Variants in ST3GAL5 observed in about 807,000 individuals in gnomAD.
The protein encoded by ST3GAL5 is ST3 beta-galactoside alpha-2,3-sialyltransferase 5.
ST3GAL5 carries 25 observed loss-of-function variants against 46.1 expected under a neutral mutation model. The ratio of observed to expected loss-of-function variants is 0.54; its 90% confidence interval spans 0.40 to 0.76. The LOEUF (loss-of-function observed/expected upper bound fraction) is 0.76. Among genes scored for constraint, ST3GAL5 ranks in the 30% least tolerant of loss-of-function variants. The probability of loss-of-function intolerance (pLI) is 0.00; values close to 1 mark genes in which losing one functional copy is unlikely to be tolerated. For missense variants in ST3GAL5, 431 were observed against 521.2 expected (o/e 0.83, Z 1.69); for synonymous variants, 182 against 192.7 (o/e 0.94, Z 0.46).
At chr2:85,864,749 A>G (rs923328046) in intron 1 of ST3GAL5, among the ~76,000 whole-genome samples, 59 of 152,326 alleles carry the variant, frequency 3.9e-4, no homozygotes, top group Non-Finnish European at 7.2e-4. Context: ...CGTCTCCCCC[A>G]TATTCGCTTT....
chr2:85,876,968 GCA>G (rs1491587948), intron 1 of ST3GAL5, among the ~76,000 whole-genome samples: 1 of 152,168 alleles, frequency 6.6e-6, no homozygotes, highest in Non-Finnish European at 1.5e-5. Flanking sequence ...ACTTAAAGTT[GCA>G]AAAACAGCAT....
At chr2:85,861,742 G>A (rs1440911564) in intron 2 of ST3GAL5, among the ~76,000 whole-genome samples, 1 of 151,366 alleles carries the variant, frequency 6.6e-6, no homozygotes, top group Non-Finnish European at 1.5e-5. Context: ...AAATGAGACA[G>A]GACCATTAGT....
intron 2 of ST3GAL5, 26 bp downstream of exon 2, chr2:85,863,336 T>A: frequency 6.2e-7 from 1 of 1,613,608 alleles, no homozygotes; most frequent in Non-Finnish European, 8.5e-7. Context: ...AGCAGGGGGA[T>A]CTACAGTCCC....
Position 85,840,115 on chromosome 2 carries a change from G to A in ST3GAL5, c.*29C>T. The A allele has an allele frequency of 6.2e-6, 10 of 1,614,194 alleles. No individual in the cohort carries two copies. The highest frequency in any genetic ancestry group is 8.5e-6 in the Non-Finnish European group (10 of 1,180,032). ...GTCAAAAACAGCTCTCAGAGTTAGA[G>A]TTGCATTTTCAACTGAGGTTTTCTG... On this transcript the variant is annotated 3_prime_UTR_variant, in exon 7 of 7. Coordinates refer to ENST00000638572, the MANE Select transcript of ST3GAL5 (RefSeq NM_003896.4).
At chr2:85,861,154 T>A in intron 3 of ST3GAL5, 27 bp downstream of exon 3, 6 of 1,433,080 alleles carry the variant, frequency 4.2e-6, no homozygotes, top group Non-Finnish European at 4.9e-6. Flanking sequence ...ATGTTTTCAT[T>A]TAAACCACAC....
intron 6 of ST3GAL5, 49 bp from the exon 7 acceptor site, chr2:85,840,441 A>C (rs774786844): frequency 6.2e-7 from 1 of 1,605,068 alleles, no homozygotes; most frequent in African/African-American, 1.3e-5. Flanking sequence ...TTTTGGCACA[A>C]GTCACCATTT....
intron 3 of ST3GAL5, chr2:85,851,669 A>G (rs1033648628): frequency 7.8e-7 from 1 of 1,289,384 alleles, no homozygotes; most frequent in Non-Finnish European, 1.0e-6. Flanking sequence ...AGCTCAGAAG[A>G]AAGTGCCTCA....
Position 85,843,763 on chromosome 2 carries a change from C to T in ST3GAL5, c.1008+633G>A, listed in dbSNP as rs113162712. On this transcript the variant is annotated intron_variant, in intron 6 of 6. Transcript: ENST00000638572. ...CCCTGGTGGCAGCACTTGCTAATTG[C>T]AGGTAAAGAATCTCTACTGCAATAA... 5.0e-3 allele frequency among the ~76,000 whole-genome samples: 767 copies of T among 152,306 alleles called. 6 individuals carry two copies. The highest frequency in any genetic ancestry group is 0.017 in the African/African-American group (704 of 41,558).
rs10693806 is a variant in ST3GAL5, at chr2:85,877,106, G to GAC, written c.82+11716_82+11717dup. 5.7e-3 allele frequency among the ~76,000 whole-genome samples: 867 copies of GAC among 152,224 alleles called. 4 individuals are homozygous for GAC. Among genetic ancestry groups the GAC allele is most frequent in the African/African-American group, 0.02 (815 of 41,522 alleles). ...ACCATTTGAAACTTGAAGACATGATGACACCTACCCCTAAATATTTTAGTA... is the reference window on the plus strand; with the variant it reads ...ACCATTTGAAACTTGAAGACATGATGACACACCTACCCCTAAATATTTTAGTA... On this transcript the variant is annotated intron_variant, in intron 1 of 6. Transcript: ENST00000638572.
intron 1 of ST3GAL5, among the ~76,000 whole-genome samples, chr2:85,877,804 T>C (rs1573708905): frequency 6.6e-6 from 1 of 152,164 alleles, no homozygotes; most frequent in East Asian, 1.9e-4. Flanking sequence ...AAACAGTAGG[T>C]GATGAACAAA....
intron 1 of ST3GAL5, among the ~76,000 whole-genome samples, chr2:85,879,613 T>C (rs771620892): frequency 2.0e-5 from 3 of 152,206 alleles, no homozygotes; most frequent in Non-Finnish European, 4.4e-5. Context: ...AGAACAACTC[T>C]GTGGCAACCC....
At chr2:85,853,078 C>T (rs1683712206) in intron 3 of ST3GAL5, 1 of 1,304,086 alleles carries the variant, frequency 7.7e-7, no homozygotes, top group Non-Finnish European at 1.0e-6. Flanking sequence ...ATGCCATCCG[C>T]AGGGAGATAA....
intron 1 of ST3GAL5, among the ~76,000 whole-genome samples, chr2:85,881,262 G>A (rs1427747008): frequency 6.6e-6 from 1 of 152,188 alleles, no homozygotes; most frequent in East Asian, 1.9e-4. Flanking sequence ...AAATTGCCCA[G>A]TCTTGGGTAT....
intron 5 of ST3GAL5, chr2:85,844,876 A>G (rs905613752): frequency 7.4e-6 from 3 of 402,990 alleles, no homozygotes; most frequent in Non-Finnish European, 9.4e-6. Flanking sequence ...GAATAGGTCC[A>G]ATTTAAGGCT....
intron 3 of ST3GAL5, chr2:85,852,822 A>C (rs1368410103): frequency 1.6e-6 from 2 of 1,255,392 alleles, no homozygotes; most frequent in Non-Finnish European, 1.1e-6. Flanking sequence ...GTCTTTGTTA[A>C]AGCATTTCTC....
chr2:85,861,205 A>G lies in ST3GAL5; in HGVS notation c.294T>C (p.His98=). 1 of 1,611,624 alleles carries G rather than the reference A, an allele frequency of 6.2e-7. No individual in the cohort carries two copies. Among genetic ancestry groups the G allele is most frequent in the Non-Finnish European group, 8.5e-7 (1 of 1,178,026 alleles). Reference sequence around the variant, plus strand: ...CCTTTACATGGTCAGGGTCCACATAATGCATTTTTTTCATGTCACATTCTT... The same window carrying G: ...CCTTTACATGGTCAGGGTCCACATAGTGCATTTTTTTCATGTCACATTCTT... ...TTEECDMKKM[H]YVDPDHVKRA... is the part of the protein sequence containing the mutation. Residue 98 remains histidine, a synonymous_variant, in exon 3 of 7, where the codon CAT becomes CAC. Transcript: ENST00000638572.
rs1308446771 is a variant in ST3GAL5 at position 85,838,668 on chromosome 2, G to C, written c.*1476C>G. Reference sequence around the variant, plus strand: ...CAGGAGACAGAAGGGACTCTGCTTTGAATGCTATGACCTGACTCCTGGCCC... The same window carrying C: ...CAGGAGACAGAAGGGACTCTGCTTTCAATGCTATGACCTGACTCCTGGCCC... On this transcript the variant is annotated 3_prime_UTR_variant, in exon 7 of 7. Transcript: ENST00000638572. The C allele has an allele frequency of 2.6e-5, 4 of 152,412 alleles. No individual in the cohort carries two copies. The highest frequency in any genetic ancestry group is 4.4e-5 in the Non-Finnish European group (3 of 68,084). The allele number at this position is 152,412 out of a possible 1,614,324, so 9.4% of individuals were successfully genotyped here.
chr2:85,862,889 G>A (rs905060959), intron 2 of ST3GAL5, among the ~76,000 whole-genome samples: 3 of 152,188 alleles, frequency 2.0e-5, no homozygotes, highest in Non-Finnish European at 2.9e-5. Context: ...CACCTGCCAA[G>A]TTCCTCCTTG....
At chr2:85,885,697 A>G (rs1687663876) in intron 1 of ST3GAL5, among the ~76,000 whole-genome samples, 1 of 152,066 alleles carries the variant, frequency 6.6e-6, no homozygotes, top group African/African-American at 2.4e-5. Context: ...GCGAGGTGGC[A>G]GGCGCCTGTA....
Sources: allele counts gnomAD v4.1 joint callset (sites outside exome capture counted in the v4.1 genomes callset), GRCh38; gene constraint gnomAD v4.1.1; transcripts MANE v1.5; gene names NCBI Gene and HGNC (gene_info 2026-07-23, HGNC 2026-07-21).